Variants in DNTTIP1 observed in about 807,000 individuals in gnomAD.
The protein encoded by DNTTIP1 is deoxynucleotidyltransferase terminal interacting protein 1.
DNTTIP1 carries 22 observed loss-of-function variants against 52.9 expected under a neutral mutation model. That is an observed-to-expected ratio of 0.42 (90% confidence interval 0.30 to 0.59). DNTTIP1 has a LOEUF of 0.59. Ranked by LOEUF, DNTTIP1 falls within the 20% of genes least tolerant of loss-of-function variation. DNTTIP1 has a pLI of 0.22. For synonymous variants in DNTTIP1, 136 were observed against 155.1 expected (o/e 0.88, Z 0.92); for missense variants, 286 against 435.5 (o/e 0.66, Z 3.06).
chr20:45,800,741 A>C (rs1384843198), intron 4 of DNTTIP1, among the ~76,000 whole-genome samples: 2 of 80,976 alleles, frequency 2.5e-5, no homozygotes, highest in East Asian at 3.9e-4. Flanking sequence ...ATATATATAT[A>C]TATATATATA....
chr20:45,792,501 C>G (rs962836055), intron 1 of DNTTIP1, 176 bp from the exon 2 acceptor site: 2 of 512,190 alleles, frequency 3.9e-6, no homozygotes, highest in Non-Finnish European at 6.9e-6. Flanking sequence ...AGGAAACTTC[C>G]TCAGTTCCTC....
At position 45,809,036 on chromosome 20, in the gene DNTTIP1, G is replaced by A; in HGVS notation, c.724-78G>A. 1 of 1,280,888 alleles carries A rather than the reference G, an allele frequency of 7.8e-7. No homozygotes were observed. 79.3% of individuals were successfully genotyped at this position (1,280,888 alleles called of 1,614,324 possible). On this transcript the variant is annotated intron_variant, in intron 10 of 12. Coordinates refer to ENST00000372622, the MANE Select transcript of DNTTIP1 (RefSeq NM_052951.3). This position sits in a 1 kb window ranked among gnomAD's most constrained non-coding sequence, Gnocchi z 4.2. Reference sequence around the variant, plus strand: ...GACTTTTGGTAAGAACTGCTCAAGGGCCAAGAGTATGCTCTGGGACCAAAT... The same window carrying A: ...GACTTTTGGTAAGAACTGCTCAAGGACCAAGAGTATGCTCTGGGACCAAAT...
chr20:45,801,542 C>A (rs1174786105), intron 6 of DNTTIP1, 84 bp downstream of exon 6: 21 of 1,413,962 alleles, frequency 1.5e-5, no homozygotes, highest in Non-Finnish European at 2.0e-5. Context: ...AATCCCAACA[C>A]TTTGGGAGGC....
rs779556936 is a variant in DNTTIP1 at position 45,802,038 on chromosome 20, C to T, written c.538C>T (p.Arg180Trp). ...TCCTGGACACATCCTGTCAAGCGACCGGGCAGCCGCCGGCATGGTGTGAGT... is the reference window on the plus strand; with the variant it reads ...TCCTGGACACATCCTGTCAAGCGACTGGGCAGCCGCCGGCATGGTGTGAGT... ...RPPGHILSSD[R>W]AAAGMVWKPK... Residue 180 changes from arginine (R) to tryptophan (W), a missense_variant, in exon 7 of 13, where the codon CGG becomes TGG. Transcript: ENST00000372622. 5 of 1,614,112 alleles carry T rather than the reference C, an allele frequency of 3.1e-6. No individual in the cohort carries two copies. Among genetic ancestry groups the T allele is most frequent in the Non-Finnish European group, 3.4e-6 (4 of 1,180,028 alleles).
At chr20:45,793,457 T>C (rs1437748573) in intron 2 of DNTTIP1, among the ~76,000 whole-genome samples, 7 of 152,046 alleles carry the variant, frequency 4.6e-5, no homozygotes, top group Non-Finnish European at 1.0e-4. Flanking sequence ...CCCAGCACTT[T>C]GGGAGTCTGA....
intron 11 of DNTTIP1, 152 bp from the exon 12 acceptor site, chr20:45,810,733 C>T (rs1981804358): frequency 4.5e-6 from 3 of 665,446 alleles, no homozygotes; most frequent in East Asian, 2.7e-5. Flanking sequence ...ATTCCCATCC[C>T]TCCCCACTTA....
Position 45,803,371 on chromosome 20 carries a change from GC to G in DNTTIP1, c.600del (p.Lys201SerfsTer7). The G allele has an allele frequency of 6.2e-7, 1 of 1,614,158 alleles. No homozygotes were observed. The highest frequency in any genetic ancestry group is 8.5e-7 in the Non-Finnish European group (1 of 1,180,020). On this transcript the variant is annotated frameshift_variant, in exon 8 of 13. Transcript: ENST00000372622. LOFTEE classifies it high-confidence loss of function. ...TCCTGTGAACCAATTCGCCGGGAAGGCCCCAAGGTATGATTATGTGAGCATG... is the reference window on the plus strand; with the variant it reads ...TCCTGTGAACCAATTCGCCGGGAAGGCCCAAGGTATGATTATGTGAGCATG... Reference protein sequence around the residue: ...PKSCEPIRREGPKWDPARLNE... With the variant: ...PKSCEPIRREXPKWDPARLNE...
chr20:45,808,249 CA>C (rs1981712700), intron 10 of DNTTIP1, among the ~76,000 whole-genome samples: 1 of 152,108 alleles, frequency 6.6e-6, no homozygotes, highest in Non-Finnish European at 1.5e-5. Context: ...AAGGCTGAAG[CA>C]GAAGAATAGC....
intron 8 of DNTTIP1, among the ~76,000 whole-genome samples, chr20:45,803,807 A>G (rs1030502884): frequency 2.6e-5 from 4 of 152,164 alleles, no homozygotes; most frequent in African/African-American, 9.7e-5. Context: ...CAGTTGTCTT[A>G]TACACTTAAT....
intron 4 of DNTTIP1, chr20:45,796,410 T>G: frequency 2.2e-6 from 1 of 457,840 alleles, no homozygotes; most frequent in Non-Finnish European, 4.5e-6. Context: ...AGAAATGGCT[T>G]AAGACACATA....
In DNTTIP1 at chr20:45,801,473, T is replaced by C; in HGVS notation, c.498+15T>C. 3.1e-6 allele frequency: 5 copies of C among 1,613,972 alleles called. No homozygotes were observed. Among genetic ancestry groups the C allele is most frequent in the Non-Finnish European group, 4.2e-6 (5 of 1,179,952 alleles). On this transcript the variant is annotated intron_variant, in intron 6 of 12. Transcript: ENST00000372622. ...TTCCTAAAAAGGTAAACCATTTCCTTGTTTTGTTTTCTGGCTGAAAAAAGG... is the reference window on the plus strand; with the variant it reads ...TTCCTAAAAAGGTAAACCATTTCCTCGTTTTGTTTTCTGGCTGAAAAAAGG...
At chr20:45,805,421 TC>T in intron 10 of DNTTIP1, 55 bp downstream of exon 10, 1 of 1,580,508 alleles carries the variant, frequency 6.3e-7, no homozygotes, top group Non-Finnish European at 8.6e-7. Context: ...GACTGGGAAC[TC>T]CACTCAGCAC....
At chr20:45,800,692 AAAATATATATATATATATAT>A (rs1981416959) in intron 4 of DNTTIP1, among the ~76,000 whole-genome samples, 9 of 32,658 alleles carry the variant, frequency 2.8e-4, no homozygotes, top group African/African-American at 9.1e-4. Context: ...AAAAAAAAAA[AAAATATATATATATATATAT>A]ATATATATAT....
intron 7 of DNTTIP1, 89 bp downstream of exon 7, chr20:45,802,146 G>A: frequency 1.4e-6 from 2 of 1,397,728 alleles, no homozygotes; most frequent in South Asian, 1.2e-5. Context: ...TTCTGTGCCT[G>A]TCAAAATCAG....
intron 8 of DNTTIP1, 65 bp from the exon 9 acceptor site, chr20:45,805,081 G>A (rs373336114): frequency 1.5e-6 from 2 of 1,353,062 alleles, no homozygotes; most frequent in Non-Finnish European, 2.1e-6. Flanking sequence ...GTAGGGGGAG[G>A]AGTGTTTCTG....
chr20:45,800,597 C>T (rs1307704734), intron 4 of DNTTIP1, among the ~76,000 whole-genome samples: 3 of 148,700 alleles, frequency 2.0e-5, no homozygotes, highest in Non-Finnish European at 4.4e-5. Flanking sequence ...TCGCTTGAAC[C>T]CAGGAGGCGG....
At position 45,806,355 on chromosome 20, in the gene DNTTIP1, C is replaced by CAAAA. The variant is rs3080098; in HGVS notation, c.723+999_723+1002dup. Among the ~76,000 whole-genome samples, 3 of 131,752 alleles carry CAAAA rather than the reference C, an allele frequency of 2.3e-5. 1 individual carries two copies. The highest frequency in any genetic ancestry group is 3.2e-5 in the Non-Finnish European group (2 of 62,870). The allele number at this position is 131,752 out of a possible 152,430, so 86.4% of individuals were successfully genotyped here. ...TGGGCAACAGAGCAAAACTCCATCT[C>CAAAA]AAAAAAAAAAAAATAGAGTTTGGAG... On this transcript the variant is annotated intron_variant, in intron 10 of 12. Coordinates refer to ENST00000372622, the MANE Select transcript of DNTTIP1 (RefSeq NM_052951.3).
At chr20:45,800,588 C>A (rs773771851) in intron 4 of DNTTIP1, among the ~76,000 whole-genome samples, 1 of 148,944 alleles carries the variant, frequency 6.7e-6, no homozygotes, top group African/African-American at 2.5e-5. Flanking sequence ...GCAGGAGAAT[C>A]GCTTGAACCC....
intron 4 of DNTTIP1, 39 bp downstream of exon 4, chr20:45,795,482 TAGCTCTCGAGCCTC>T (rs1173081913): frequency 6.2e-6 from 8 of 1,294,350 alleles, no homozygotes; most frequent in Non-Finnish European, 8.8e-6. Flanking sequence ...GCACAAGGTT[TAGCTCTCGAGCCTC>T]TGATAAGAAA....
Sources: gnomAD v4.1 joint callset for allele counts (sites outside exome capture counted in the v4.1 genomes callset) on GRCh38, gnomAD v4.1.1 for gene constraint, Gnocchi (gnomAD v3.1) non-coding constraint, MANE v1.5 for transcripts, NCBI Gene and HGNC (gene_info 2026-07-23, HGNC 2026-07-21) for gene names.